ZMAT4: variants seen among roughly 807,000 people sequenced by gnomAD.
The protein encoded by ZMAT4 is zinc finger matrin-type protein 4.
ZMAT4 carries 17 observed loss-of-function variants against 28.7 expected under a neutral mutation model. That is an observed-to-expected ratio of 0.59 (90% CI 0.41 to 0.89). ZMAT4 has a LOEUF of 0.89. ZMAT4 is among the 40% of genes least tolerant of loss of function. The pLI, the probability that ZMAT4 is intolerant of heterozygous loss-of-function variation, is 0.00. For synonymous variants in ZMAT4, 117 were observed against 109.2 expected (o/e 1.07, Z -0.44); for missense variants, 240 against 283.8 (o/e 0.85, Z 1.11).
intron 5 of ZMAT4, among the ~76,000 whole-genome samples, chr8:40,653,117 A>C (rs1196951903): frequency 6.6e-6 from 1 of 152,050 alleles, no homozygotes; most frequent in African/African-American, 2.4e-5. Context: ...AGAAATCCAA[A>C]AATAAGTAGA....
intron 5 of ZMAT4, among the ~76,000 whole-genome samples, chr8:40,631,139 G>A (rs1048570980): frequency 2.0e-5 from 3 of 152,028 alleles, no homozygotes; most frequent in Non-Finnish European, 4.4e-5. Context: ...TGGGAGGTGG[G>A]AAGGCTTATA....
At chr8:40,581,999 G>A (rs1181100012) in intron 5 of ZMAT4, among the ~76,000 whole-genome samples, 2 of 152,162 alleles carry the variant, frequency 1.3e-5, no homozygotes, top group Non-Finnish European at 2.9e-5. Context: ...TTGCCGCAGA[G>A]CTGAGACCCA....
Position 40,697,446 on chromosome 8 carries a change from C to T in ZMAT4, c.193-45G>A, listed in dbSNP as rs778092378. The T allele has an allele frequency of 4.8e-5, 69 of 1,441,702 alleles. 1 individual carries two copies. The East Asian group carries it at 1.6e-3, about 34-fold the overall frequency. The allele number at this position is 1,441,702 out of a possible 1,614,324, so 89.3% of individuals were successfully genotyped here. On this transcript the variant is annotated intron_variant, in intron 3 of 6. Transcript: ENST00000297737. ...GGCCACGTGTGAGAGAAACCCATTC[C>T]ATTCTTTTACAAATGAGACTTACCC...
rs532191077 is a variant in ZMAT4, at chr8:40,776,396, C to T, written c.103-8666G>A. Among the ~76,000 whole-genome samples, 10 of 152,194 alleles carry T rather than the reference C, an allele frequency of 6.6e-5. 1 individual carries two copies. The highest frequency in any genetic ancestry group is 4.6e-4 in the Admixed American group (7 of 15,278). ...GTGGAATCATGTTTGTAATTATCTACGTGGCTGTCTGCCTACACAAGTGAC... is the reference window on the plus strand; with the variant it reads ...GTGGAATCATGTTTGTAATTATCTATGTGGCTGTCTGCCTACACAAGTGAC... On this transcript the variant is annotated intron_variant, in intron 2 of 6. Transcript: ENST00000297737.
rs1815498511 is a variant in ZMAT4, at chr8:40,815,543, AACCACAGGGC to A, written c.102+10022_102+10031del. ...CTGGGATACCACAGGCAGTGCCCTC[AACCACAGGGC>A]ACAGCTGAGGAGACCCCCAGGAGAA... On this transcript the variant is annotated intron_variant, in intron 2 of 6. Coordinates refer to ENST00000297737, the MANE Select transcript of ZMAT4 (RefSeq NM_024645.3). Among the ~76,000 whole-genome samples the A allele has an allele frequency of 2.6e-5, 4 of 152,200 alleles. No individual in the cohort carries two copies. The South Asian group carries it at 8.3e-4, about 32-fold the overall frequency.
intron 6 of ZMAT4, among the ~76,000 whole-genome samples, chr8:40,551,049 G>C (rs548201076): frequency 1.3e-5 from 2 of 151,990 alleles, no homozygotes; most frequent in Non-Finnish European, 2.9e-5. Flanking sequence ...TGCTTCATTT[G>C]TTTATTATAG....
chr8:40,601,685 AAAGAAAGAAAGAAAGAAAGAAAAG>A (rs1178127601), intron 5 of ZMAT4, among the ~76,000 whole-genome samples: 5 of 30,552 alleles, frequency 1.6e-4, no homozygotes, highest in Admixed American at 8.5e-4. Context: ...AGAAAGAAAG[AAAGAAAGAAAGAAAGAAAGAAAAG>A]AAAGAAAGAA....
At chr8:40,802,521 A>G (rs964067348) in intron 2 of ZMAT4, among the ~76,000 whole-genome samples, 1 of 152,050 alleles carries the variant, frequency 6.6e-6, no homozygotes, top group Non-Finnish European at 1.5e-5. Context: ...TATAAGATCT[A>G]TATAAGAAAA....
intron 5 of ZMAT4, among the ~76,000 whole-genome samples, chr8:40,604,148 A>T (rs1438877011): frequency 6.6e-6 from 1 of 152,168 alleles, no homozygotes; most frequent in Non-Finnish European, 1.5e-5. Context: ...CTAGGTATAC[A>T]ATCCTATCGT....
At chr8:40,599,719 G>A (rs539840310) in intron 5 of ZMAT4, among the ~76,000 whole-genome samples, 2 of 152,240 alleles carry the variant, frequency 1.3e-5, no homozygotes, top group Non-Finnish European at 2.9e-5. Context: ...CTAAAGGCAG[G>A]TGGGAGAGTG....
intron 2 of ZMAT4, among the ~76,000 whole-genome samples, chr8:40,816,528 G>C (rs1290733602): frequency 2.6e-5 from 4 of 152,168 alleles, no homozygotes; most frequent in African/African-American, 4.8e-5. Flanking sequence ...TGGCAGGTGG[G>C]TAGTAAATGG....
chr8:40,630,386 A>G (rs1806531237), intron 5 of ZMAT4, among the ~76,000 whole-genome samples: 1 of 152,210 alleles, frequency 6.6e-6, no homozygotes, highest in Non-Finnish European at 1.5e-5. Flanking sequence ...CCTCATATAT[A>G]TCCTATGTGG....
At chr8:40,863,625 G>C (rs1327541924) in intron 1 of ZMAT4, among the ~76,000 whole-genome samples, 1 of 152,180 alleles carries the variant, frequency 6.6e-6, no homozygotes, top group Non-Finnish European at 1.5e-5. Context: ...GAAATGTCCA[G>C]TACTAATTGC....
chr8:40,561,535 G>C (rs191298311), intron 6 of ZMAT4, among the ~76,000 whole-genome samples: 13 of 152,116 alleles, frequency 8.5e-5, no homozygotes, highest in Admixed American at 4.6e-4. Context: ...GTCCTTAGAG[G>C]TCCCAGCTGG....
intron 5 of ZMAT4, among the ~76,000 whole-genome samples, chr8:40,631,981 A>G (rs1464144253): frequency 6.6e-6 from 1 of 152,190 alleles, no homozygotes; most frequent in Non-Finnish European, 1.5e-5. Flanking sequence ...GAGCTAAGTG[A>G]TTTCTTTCTC....
At chr8:40,837,136 C>T (rs1442596510) in intron 1 of ZMAT4, among the ~76,000 whole-genome samples, 1 of 152,180 alleles carries the variant, frequency 6.6e-6, no homozygotes, top group Non-Finnish European at 1.5e-5. Flanking sequence ...AATTTCTCAG[C>T]CTCCTTTGCA....
chr8:40,797,519 G>T (rs75250865), intron 2 of ZMAT4, among the ~76,000 whole-genome samples: 107 of 152,294 alleles, frequency 7.0e-4, no homozygotes, highest in African/African-American at 2.5e-3. Context: ...GAAGGGGAGG[G>T]GGAGTGAGTG....
intron 2 of ZMAT4, among the ~76,000 whole-genome samples, chr8:40,806,470 A>G (rs1815088268): frequency 6.6e-6 from 1 of 152,232 alleles, no homozygotes; most frequent in African/African-American, 2.4e-5. Context: ...CTTCATTCTC[A>G]GACATGTGCT....
chr8:40,719,021 A>ACTCAT (rs1810969288), intron 3 of ZMAT4, among the ~76,000 whole-genome samples: 1 of 152,220 alleles, frequency 6.6e-6, no homozygotes, highest in East Asian at 1.9e-4. Flanking sequence ...ACTTCAAAAT[A>ACTCAT]CTGCTCACTC....
Sources: gnomAD v4.1 joint callset for allele counts (sites outside exome capture counted in the v4.1 genomes callset) on GRCh38, gnomAD v4.1.1 for gene constraint, MANE v1.5 for transcripts, NCBI Gene and HGNC (gene_info 2026-07-23, HGNC 2026-07-21) for gene names.